The following CAVIN1 variants were observed in gnomAD, a reference collection of about 807,000 sequenced individuals.
CAVIN1 encodes the protein caveolae associated protein 1.
In CAVIN1, 16 loss-of-function variants were observed where a neutral mutation model predicts 24.0. The ratio of observed to expected loss-of-function variants is 0.67; its 90% CI spans 0.45 to 1.01. The LOEUF (loss-of-function observed/expected upper bound fraction) is 1.01. CAVIN1 is among the 50% of genes least tolerant of loss of function. The probability of loss-of-function intolerance (pLI) is 0.00; values close to 1 mark genes in which losing one functional copy is unlikely to be tolerated. For synonymous variants in CAVIN1, 256 were observed against 256.4 expected (o/e 1.00, Z 0.02); for missense variants, 510 against 551.7 (o/e 0.92, Z 0.76).
chr17:42,417,766 C>A (rs939880834), intron 1 of CAVIN1, among the ~76,000 whole-genome samples: 1 of 152,136 alleles, frequency 6.6e-6, no homozygotes, highest in South Asian at 2.1e-4. Context: ...TCAAACGATT[C>A]CCCTGCCTCA....
rs765631971 is a variant in CAVIN1 at position 42,422,741 on chromosome 17, G to C, written c.357C>G (p.Val119=). ...GGCTGCCGCGCACGGTCTTCACGTT[G>C]ACGCTGACCTTGCGCACCTTCTCCA... ...KLLEKVRKVS[V]NVKTVRGSLE... is the part of the protein sequence containing the mutation. Residue 119 remains valine, a synonymous_variant, in exon 1 of 2, where the codon GTC becomes GTG. Coordinates refer to ENST00000357037, the MANE Select transcript of CAVIN1 (RefSeq NM_012232.6). The C allele has an allele frequency of 6.2e-7, 1 of 1,611,610 alleles. No individual in the cohort carries two copies. Among genetic ancestry groups the C allele is most frequent in the Non-Finnish European group, 8.5e-7 (1 of 1,179,112 alleles).
intron 1 of CAVIN1, among the ~76,000 whole-genome samples, chr17:42,416,212 A>G (rs1019530450): frequency 6.6e-6 from 1 of 152,138 alleles, no homozygotes; most frequent in African/African-American, 2.4e-5. Flanking sequence ...TGCTAAAAAT[A>G]CAAAAATTAG....
chr17:42,423,195 G>T lies in CAVIN1; in HGVS notation c.-98C>A, dbSNP rs1271745082. The T allele has an allele frequency of 7.1e-6, 7 of 990,992 alleles. No homozygotes were observed. The highest frequency in any genetic ancestry group is 7.3e-6 in the Non-Finnish European group (5 of 683,634). 61.4% of individuals were successfully genotyped at this position (990,992 alleles called of 1,614,324 possible). A position where few individuals can be genotyped will look rare whatever the true frequency, so the allele number is the denominator to read the frequency against. On this transcript the variant is annotated 5_prime_UTR_variant, in exon 1 of 2. Coordinates refer to ENST00000357037, the MANE Select transcript of CAVIN1 (RefSeq NM_012232.6). ...GCGGAAGGGAGGAGAGCTAGCGGGC[G>T]AGAGCGGAGAGCAGAGGAAACTCGA...
At chr17:42,406,769 C>T (rs1171607449) in intron 1 of CAVIN1, among the ~76,000 whole-genome samples, 1 of 151,846 alleles carries the variant, frequency 6.6e-6, no homozygotes, top group East Asian at 1.9e-4. Context: ...CTGTTTGGCT[C>T]CACCAGTGGT....
chr17:42,406,773 C>T (rs1195668133), intron 1 of CAVIN1, among the ~76,000 whole-genome samples: 1 of 151,094 alleles, frequency 6.6e-6, no homozygotes, highest in Non-Finnish European at 1.5e-5. Context: ...TTGGCTCCAC[C>T]AGTGGTCATT....
At position 42,422,824 on chromosome 17, in the gene CAVIN1, C is replaced by A; in HGVS notation, c.274G>T (p.Glu92Ter). 3.1e-6 allele frequency: 5 copies of A among 1,613,790 alleles called. No homozygotes were observed. The highest frequency in any genetic ancestry group is 4.2e-6 in the Non-Finnish European group (5 of 1,179,922). ...TGCGCCTTGCCCAGCTTGCTCAGCTCGCCCTGGATGCTCTGCACTGCGCCC... is the reference window on the plus strand; with the variant it reads ...TGCGCCTTGCCCAGCTTGCTCAGCTAGCCCTGGATGCTCTGCACTGCGCCC... ...MEGAVQSIQG[E>*]LSKLGKAHAT... The change falls in exon 1 of 2, where the codon GAG becomes TAG. Residue 92 changes from glutamate to a stop codon, truncating the protein, a stop_gained. Transcript: ENST00000357037. LOFTEE classifies it high-confidence loss of function.
Position 42,423,031 on chromosome 17 carries a change from C to T in CAVIN1, c.67G>A (p.Glu23Lys). The T allele has an allele frequency of 4.3e-6, 7 of 1,611,744 alleles. No homozygotes were observed. The highest frequency in any genetic ancestry group is 5.9e-6 in the Non-Finnish European group (7 of 1,179,400). The change falls in exon 1 of 2, where the codon GAG (glutamate) becomes AAG (lysine). Residue 23 changes from glutamate (E) to lysine (K), a missense_variant. Glu to Lys is a moderately conservative substitution (Grantham distance 56). Transcript: ENST00000357037. ...GCCTGAGCCCCAGCGGAGGAAGGCT[C>T]CGGGGCCTCGGCGTCGGGGTACCCG... ...LPGYPDAEAPEPSSAGAQAAE... is the reference protein window; with the variant it reads ...LPGYPDAEAPKPSSAGAQAAE...
chr17:42,410,765 A>G (rs2085470455), intron 1 of CAVIN1, among the ~76,000 whole-genome samples: 1 of 151,596 alleles, frequency 6.6e-6, no homozygotes, highest in South Asian at 2.1e-4. Context: ...TACAAAAATT[A>G]GCTGGGTGTG....
chr17:42,422,736 A>C lies in CAVIN1; in HGVS notation c.362T>G (p.Val121Gly). 2 of 1,611,226 alleles carry C rather than the reference A, an allele frequency of 1.2e-6. No homozygotes were observed. Among genetic ancestry groups the C allele is most frequent in the Non-Finnish European group, 1.7e-6 (2 of 1,178,924 alleles). ...CTCCAGGCTGCCGCGCACGGTCTTC[A>C]CGTTGACGCTGACCTTGCGCACCTT... ...LEKVRKVSVN[V>G]KTVRGSLERQ... is the part of the protein sequence containing the mutation. The change falls in exon 1 of 2, where the codon GTG becomes GGG. Residue 121 changes from valine (V) to glycine (G), a missense_variant. Transcript: ENST00000357037.
At chr17:42,418,228 C>T (rs1250299642) in intron 1 of CAVIN1, among the ~76,000 whole-genome samples, 1 of 144,048 alleles carries the variant, frequency 6.9e-6, no homozygotes, top group East Asian at 2.1e-4. Flanking sequence ...GACTGTATTT[C>T]CTTTTTTTTT....
At position 42,404,717 on chromosome 17, in the gene CAVIN1, G is replaced by A. The variant is rs373286332; in HGVS notation, c.1143C>T (p.Ala381=). 46 of 1,488,528 alleles carry A rather than the reference G, an allele frequency of 3.1e-5. No homozygotes were observed. Among genetic ancestry groups the A allele is most frequent in the South Asian group, 4.1e-5 (3 of 73,976 alleles). The allele number at this position is 1,488,528 out of a possible 1,614,324, so 92.2% of individuals were successfully genotyped here. ...ALLEITEESD[A]VLVDKSDSD Reference sequence around the variant, plus strand: ...CGCTGTCGCTCTTGTCCACCAGCACGGCGTCCGACTCCTCGGTGATCTCCA... The same window carrying A: ...CGCTGTCGCTCTTGTCCACCAGCACAGCGTCCGACTCCTCGGTGATCTCCA... Residue 381 remains alanine, a synonymous_variant, in exon 2 of 2, where the codon GCC becomes GCT. Coordinates refer to ENST00000357037, the MANE Select transcript of CAVIN1 (RefSeq NM_012232.6).
In CAVIN1 at chr17:42,406,375, C is replaced by CTT. The variant is rs34629601; in HGVS notation, c.472-989_472-988dup. The stretch of plus-strand genomic sequence containing the variant: ...TGCATTTCCTAGACTCAAGCTATTT[C>CTT]TTTTTTTTTTTTTTTTTGAGATGGA... On this transcript the variant is annotated intron_variant, in intron 1 of 1. Transcript: ENST00000357037. Among the ~76,000 whole-genome samples the CTT allele has an allele frequency of 2.1e-3, 290 of 140,956 alleles. 3 individuals are homozygous for CTT. The highest frequency in any genetic ancestry group is 5.1e-3 in the African/African-American group (195 of 38,256). The allele number at this position is 140,956 out of a possible 152,430, so 92.5% of individuals were successfully genotyped here. A position where few individuals can be genotyped will look rare whatever the true frequency, so the allele number is the denominator to read the frequency against.
chr17:42,414,765 C>T (rs1205395985), intron 1 of CAVIN1, among the ~76,000 whole-genome samples: 2 of 152,012 alleles, frequency 1.3e-5, no homozygotes, highest in Non-Finnish European at 2.9e-5. Flanking sequence ...CAGCAGGTCC[C>T]AACCTCCCCT....
chr17:42,419,374 C>T (rs1190382977), intron 1 of CAVIN1, among the ~76,000 whole-genome samples: 1 of 151,916 alleles, frequency 6.6e-6, no homozygotes, highest in Admixed American at 6.6e-5. Flanking sequence ...AGTGCAATAA[C>T]ACGATCTCGC....
chr17:42,412,703 C>T (rs1437295719), intron 1 of CAVIN1, among the ~76,000 whole-genome samples: 1 of 152,028 alleles, frequency 6.6e-6, no homozygotes, highest in Non-Finnish European at 1.5e-5. Context: ...CTGCAACCTC[C>T]ACCTCCCAGG....
At chr17:42,405,877 G>A (rs992735938) in intron 1 of CAVIN1, among the ~76,000 whole-genome samples, 1 of 151,882 alleles carries the variant, frequency 6.6e-6, no homozygotes, top group African/African-American at 2.4e-5. Context: ...AATAGAGACG[G>A]TGTTTCTCCA....
intron 1 of CAVIN1, among the ~76,000 whole-genome samples, chr17:42,412,923 A>G (rs2085488730): frequency 6.8e-6 from 1 of 146,824 alleles, no homozygotes; most frequent in Non-Finnish European, 1.5e-5. Context: ...GGACTATTTT[A>G]TTTATTTTTT....
chr17:42,418,815 C>G (rs554430053), intron 1 of CAVIN1, among the ~76,000 whole-genome samples: 3 of 152,262 alleles, frequency 2.0e-5, no homozygotes, highest in East Asian at 3.9e-4. Context: ...GCATACTTGT[C>G]TCGAAATATC....
At chr17:42,420,634 C>T (rs2085539386) in intron 1 of CAVIN1, among the ~76,000 whole-genome samples, 1 of 152,174 alleles carries the variant, frequency 6.6e-6, no homozygotes, top group African/African-American at 2.4e-5. Flanking sequence ...ACATTCCCTC[C>T]CACCCCCTAA....
Sources: allele counts gnomAD v4.1 joint callset (sites outside exome capture counted in the v4.1 genomes callset), GRCh38; gene constraint gnomAD v4.1.1; transcripts MANE v1.5; gene names NCBI Gene and HGNC (gene_info 2026-07-23, HGNC 2026-07-21).